The following PRKN variants were observed in gnomAD, a reference collection of about 807,000 sequenced individuals.
PRKN encodes parkin RBR E3 ubiquitin protein ligase, also known as E3 ubiquitin-protein ligase parkin.
In PRKN, 56 loss-of-function variants were observed where a neutral mutation model predicts 59.5. The ratio of observed to expected loss-of-function variants is 0.94; its 90% CI spans 0.76 to 1.18. The LOEUF (loss-of-function observed/expected upper bound fraction) is 1.18, where lower values mean the gene tolerates loss of function less well. Among genes scored for constraint, PRKN ranks in the 50% most tolerant of loss-of-function variants. The pLI, the probability that PRKN is intolerant of heterozygous loss-of-function variation, is 0.00. For synonymous variants in PRKN, 250 were observed against 222.1 expected (o/e 1.13, Z -1.12); for missense variants, 657 against 596.4 (o/e 1.10, Z -1.06).
intron 1 of PRKN, among the ~76,000 whole-genome samples, chr6:162,563,323 A>C (rs1366911183): frequency 3.0e-5 from 1 of 33,834 alleles, no homozygotes; most frequent in South Asian, 1.3e-3. Flanking sequence ...AAAACAAAAA[A>C]AAAAAAACAA....
intron 7 of PRKN, among the ~76,000 whole-genome samples, chr6:161,609,911 G>A (rs914699869): frequency 1.3e-5 from 2 of 152,052 alleles, no homozygotes; most frequent in South Asian, 2.1e-4. Flanking sequence ...CAAAGGAGTC[G>A]AATTGTTTTG....
chr6:162,042,967 C>A (rs1288780778), intron 5 of PRKN, among the ~76,000 whole-genome samples: 1 of 151,986 alleles, frequency 6.6e-6, no homozygotes. Flanking sequence ...AAAGACATAC[C>A]CAAAAACAGG....
At chr6:162,393,071 T>G (rs564572272) in intron 2 of PRKN, among the ~76,000 whole-genome samples, 1 of 151,968 alleles carries the variant, frequency 6.6e-6, no homozygotes, top group African/African-American at 2.4e-5. Context: ...GCTCCAGTAA[T>G]TGGGTGACTG....
rs867505829 is a variant in PRKN at position 162,479,584 on chromosome 6, T to C, written c.8-36111A>G. Among the ~76,000 whole-genome samples, 28 of 152,124 alleles carry C rather than the reference T, an allele frequency of 1.8e-4. No individual in the cohort carries two copies. In the Middle Eastern group the frequency reaches 0.017, roughly 92 times the overall value. On this transcript the variant is annotated intron_variant, in intron 1 of 11. Transcript: ENST00000366898. ...GACATAAACACACAGTAGCCTGGGC[T>C]TAGAGAGGGTCAAGATCATCAATAT... is the stretch of plus-strand genomic sequence containing the variant.
At chr6:161,830,097 G>A (rs1484910453) in intron 6 of PRKN, among the ~76,000 whole-genome samples, 2 of 152,050 alleles carry the variant, frequency 1.3e-5, no homozygotes, top group African/African-American at 4.8e-5. Context: ...CCACTTGTAG[G>A]GCGAGGTCAG....
chr6:162,526,669 C>T (rs1341283464), intron 1 of PRKN, among the ~76,000 whole-genome samples: 2 of 150,676 alleles, frequency 1.3e-5, no homozygotes, highest in East Asian at 3.9e-4. Context: ...GACCTCTGGA[C>T]CAAAGTAATA....
At chr6:162,709,619 A>G (rs548954217) in intron 1 of PRKN, among the ~76,000 whole-genome samples, 2 of 152,300 alleles carry the variant, frequency 1.3e-5, no homozygotes, top group Admixed American at 1.3e-4. Context: ...CATGCTGCTT[A>G]TTGTGCCAAG....
chr6:162,090,797 T>C lies in PRKN; in HGVS notation c.535-36623A>G, dbSNP rs766809000. 2.0e-5 allele frequency among the ~76,000 whole-genome samples: 3 copies of C among 152,152 alleles called. No homozygotes were observed. In the East Asian group the frequency reaches 5.8e-4, roughly 29 times the overall value. On this transcript the variant is annotated intron_variant, in intron 4 of 11. Coordinates refer to ENST00000366898, the MANE Select transcript of PRKN (RefSeq NM_004562.3). Reference sequence around the variant, plus strand: ...CTAGAATGACAGAAATGTAAATGTGTTTTTCTCTAGTGCTGAAGGTTTGGA... The same window carrying C: ...CTAGAATGACAGAAATGTAAATGTGCTTTTCTCTAGTGCTGAAGGTTTGGA...
At chr6:162,325,810 ATAT>A (rs1348519214) in intron 2 of PRKN, among the ~76,000 whole-genome samples, 2 of 152,224 alleles carry the variant, frequency 1.3e-5, no homozygotes, top group African/African-American at 2.4e-5. Context: ...ACAGTTTAAA[ATAT>A]TATTTTCTTT....
intron 2 of PRKN, among the ~76,000 whole-genome samples, chr6:162,442,981 T>G (rs1790130602): frequency 6.6e-6 from 1 of 152,156 alleles, no homozygotes; most frequent in Non-Finnish European, 1.5e-5. Context: ...AAGATTCAAA[T>G]GGAATAAGTA....
intron 4 of PRKN, among the ~76,000 whole-genome samples, chr6:162,151,341 G>C (rs1356861497): frequency 6.6e-6 from 1 of 152,180 alleles, no homozygotes; most frequent in Non-Finnish European, 1.5e-5. Flanking sequence ...CACCTTCTTA[G>C]AAAATGAAAT....
At chr6:162,561,885 A>G (rs774593850) in intron 1 of PRKN, among the ~76,000 whole-genome samples, 5 of 152,132 alleles carry the variant, frequency 3.3e-5, no homozygotes, top group African/African-American at 4.8e-5. Flanking sequence ...CTATTAGGAA[A>G]GTCCTAGTGC....
At chr6:161,651,873 T>C (rs1254011270) in intron 7 of PRKN, among the ~76,000 whole-genome samples, 1 of 152,208 alleles carries the variant, frequency 6.6e-6, no homozygotes, top group Non-Finnish European at 1.5e-5. Flanking sequence ...AAAGGTAATG[T>C]GTTCCTCCAT....
chr6:161,873,879 T>A (rs1794449114), intron 6 of PRKN, among the ~76,000 whole-genome samples: 1 of 132,988 alleles, frequency 7.5e-6, no homozygotes, highest in Non-Finnish European at 1.5e-5. Context: ...TTTGTTTATA[T>A]ATAAATAAAA....
chr6:161,518,493 C>A lies in PRKN; in HGVS notation c.1083+30361G>T, dbSNP rs141045620. 1.3e-5 allele frequency among the ~76,000 whole-genome samples: 2 copies of A among 152,348 alleles called. No homozygotes were observed. The highest frequency in any genetic ancestry group is 1.9e-4 in the East Asian group (1 of 5,184). ...CAGGCTGCTGTGGCACTGGGCGCTG[C>A]CCCTGGCTGTGCAATCCCAGGGCTC... On this transcript the variant is annotated intron_variant, in intron 9 of 11. Transcript: ENST00000366898. This position sits in a 1 kb window ranked among gnomAD's most constrained non-coding sequence, Gnocchi z 5.0.
chr6:162,626,198 T>C (rs1782883529), intron 1 of PRKN, among the ~76,000 whole-genome samples: 1 of 152,232 alleles, frequency 6.6e-6, no homozygotes, highest in Non-Finnish European at 1.5e-5. Flanking sequence ...GCATGCTGGA[T>C]GGGGAATTTA....
chr6:161,800,882 G>A (rs980491808), intron 6 of PRKN, among the ~76,000 whole-genome samples: 3 of 152,078 alleles, frequency 2.0e-5, no homozygotes, highest in African/African-American at 2.4e-5. Flanking sequence ...GTGCTTTCTC[G>A]GCATCACTAT....
chr6:161,827,206 C>T (rs759135243), intron 6 of PRKN, among the ~76,000 whole-genome samples: 9 of 152,172 alleles, frequency 5.9e-5, no homozygotes, highest in East Asian at 1.9e-4. Flanking sequence ...ACAGTGAGCA[C>T]GAGCTATGGA....
chr6:162,666,850 A>T (rs1398436745), intron 1 of PRKN, among the ~76,000 whole-genome samples: 1 of 152,132 alleles, frequency 6.6e-6, no homozygotes, highest in South Asian at 2.1e-4. Context: ...GCTTATAACA[A>T]TCAGAGTTTC....
Sources: gnomAD v4.1 joint callset for allele counts (sites outside exome capture counted in the v4.1 genomes callset) on GRCh38, gnomAD v4.1.1 for gene constraint, Gnocchi (gnomAD v3.1) non-coding constraint, MANE v1.5 for transcripts, NCBI Gene and HGNC (gene_info 2026-07-23, HGNC 2026-07-21) for gene names.